NDE1: variants seen among roughly 807,000 people sequenced by gnomAD.
NDE1 encodes nudE neurodevelopment protein 1, also known as nuclear distribution protein nudE homolog 1.
Under a neutral mutation model 43.4 loss-of-function variants are expected in NDE1, and 28 were observed. The observed-to-expected ratio is 0.65, with a 90% CI of 0.48 to 0.89. The LOEUF is 0.89. Ranked by LOEUF, NDE1 falls within the 40% of genes least tolerant of loss-of-function variation. The pLI is 0.00. For missense variants in NDE1, 441 were observed against 434.1 expected (o/e 1.02, Z -0.14); for synonymous variants, 184 against 172.0 (o/e 1.07, Z -0.55).
At chr16:15,714,556 G>A (rs1167950746) in intron 8 of NDE1, 2 of 424,422 alleles carry the variant, frequency 4.7e-6, no homozygotes, top group Non-Finnish European at 8.7e-6. Flanking sequence ...GTGGCGGGGG[G>A]TGGTGTTGCA....
intron 2 of NDE1, among the ~76,000 whole-genome samples, chr16:15,666,938 A>G (rs1596564126): frequency 6.6e-6 from 1 of 152,254 alleles, no homozygotes; most frequent in East Asian, 1.9e-4. Flanking sequence ...TTCAGGCTTG[A>G]TATTTTTAAA....
At chr16:15,696,046 G>C (rs959346242) in intron 7 of NDE1, 5 of 103,986 alleles carry the variant, frequency 4.8e-5, no homozygotes, top group Non-Finnish European at 9.3e-5. Context: ...AATTAAAAAA[G>C]AATTTTTTTT....
chr16:15,656,723 C>G (rs908221280), intron 1 of NDE1, among the ~76,000 whole-genome samples: 5 of 151,816 alleles, frequency 3.3e-5, no homozygotes, highest in African/African-American at 1.2e-4. Flanking sequence ...GTATTTTTAG[C>G]AGAGATGGGG....
intron 5 of NDE1, among the ~76,000 whole-genome samples, chr16:15,690,349 T>C (rs1263402947): frequency 3.7e-5 from 4 of 108,876 alleles, no homozygotes; most frequent in Middle Eastern, 4.1e-3. Flanking sequence ...TTTTTTTTTT[T>C]TTTCTTTTTT....
intron 1 of NDE1, among the ~76,000 whole-genome samples, chr16:15,663,398 C>T (rs1012010490): frequency 3.3e-5 from 5 of 151,678 alleles, no homozygotes; most frequent in African/African-American, 1.2e-4. Context: ...CGCCACCACG[C>T]CCAGCTAATT....
chr16:15,686,438 G>A, intron 4 of NDE1: 5 of 985,428 alleles, frequency 5.1e-6, no homozygotes, highest in Non-Finnish European at 6.0e-6. Context: ...ACAAGAAGGG[G>A]TTGTGAGCAG....
In NDE1 at chr16:15,725,647, G is replaced by A; in HGVS notation, c.*1396G>A. 1 of 400,078 alleles carries A rather than the reference G, an allele frequency of 2.5e-6. No homozygotes were observed. Among genetic ancestry groups the A allele is most frequent in the African/African-American group, 2.1e-5 (1 of 48,740 alleles). 24.8% of individuals were successfully genotyped at this position (400,078 alleles called of 1,614,324 possible). On this transcript the variant is annotated 3_prime_UTR_variant, in exon 9 of 9. Transcript: ENST00000396354. ...CACTGCTTATATGAGGGCGGCAAAAGCCCTGCTCTCAACTGCATGTGAGAA... is the reference window on the plus strand; with the variant it reads ...CACTGCTTATATGAGGGCGGCAAAAACCCTGCTCTCAACTGCATGTGAGAA...
chr16:15,645,175 C>T (rs928521301), intron 1 of NDE1, among the ~76,000 whole-genome samples: 1 of 152,154 alleles, frequency 6.6e-6, no homozygotes, highest in Non-Finnish European at 1.5e-5. Flanking sequence ...CCGCCTCGGC[C>T]TCTTTAGGAT....
At position 15,667,300 on chromosome 16, in the gene NDE1, A is replaced by C; in HGVS notation, c.98A>C (p.Gln33Pro). Residue 33 changes from glutamine (Q) to proline (P), a missense_variant, in exon 3 of 9, where the codon CAA becomes CCA. Physicochemically the swap from Gln to Pro is moderately conservative, Grantham distance 76. Coordinates refer to ENST00000396354, the MANE Select transcript of NDE1 (RefSeq NM_017668.3). Reference protein sequence around the residue: ...MTYKQRAENTQEELREFQEGS... With the variant: ...MTYKQRAENTPEELREFQEGS... ...TTTTGCTGTAGGGCAGAAAATACGC[A>C]AGAGGAACTCCGAGAATTCCAGGAG... The C allele has an allele frequency of 6.2e-7, 1 of 1,614,168 alleles. No homozygotes were observed. Among genetic ancestry groups the C allele is most frequent in the Non-Finnish European group, 8.5e-7 (1 of 1,180,022 alleles).
chr16:15,659,733 G>A (rs147281257), intron 1 of NDE1, among the ~76,000 whole-genome samples: 17 of 148,170 alleles, frequency 1.1e-4, no homozygotes, highest in Non-Finnish European at 1.9e-4. Context: ...CACTGCGCCC[G>A]GCCTTGGACA....
At chr16:15,690,381 T>TTTTTTTTTTTTTTTTTTTTTTGA in intron 5 of NDE1, among the ~76,000 whole-genome samples, 1 of 131,336 alleles carries the variant, frequency 7.6e-6, no homozygotes, top group Non-Finnish European at 1.6e-5. Context: ...TTTTTTTTTT[T>TTTTTTTTTTTTTTTTTTTTTTGA]GAGCCAGAGG....
chr16:15,718,180 C>T (rs2040267123), intron 8 of NDE1: 5 of 1,422,404 alleles, frequency 3.5e-6, no homozygotes, highest in African/African-American at 2.8e-5. Flanking sequence ...TCTCTACTCT[C>T]AGGCCCCACC....
rs533396284 is a variant in NDE1 at position 15,718,183 on chromosome 16, G to A, written c.948-6008G>A. ...AAGGGCCCTGGATCTCTACTCTCAG[G>A]CCCCACCACCCTCTTGTCCCTCAAT... On this transcript the variant is annotated intron_variant, in intron 8 of 8. Transcript: ENST00000396354. 21 of 1,443,280 alleles carry A rather than the reference G, an allele frequency of 1.5e-5. No homozygotes were observed. The African/African-American group carries it at 2.2e-4, about 15-fold the overall frequency. The allele number at this position is 1,443,280 out of a possible 1,614,324, so 89.4% of individuals were successfully genotyped here.
chr16:15,704,787 G>T (rs1178718858), intron 8 of NDE1, among the ~76,000 whole-genome samples: 1 of 152,208 alleles, frequency 6.6e-6, no homozygotes, highest in South Asian at 2.1e-4. Context: ...CGCACATGGC[G>T]TAAAACAGGT....
At chr16:15,706,757 A>G (rs945266453) in intron 8 of NDE1, among the ~76,000 whole-genome samples, 1 of 152,102 alleles carries the variant, frequency 6.6e-6, no homozygotes, top group African/African-American at 2.4e-5. Context: ...CCTAACCTCC[A>G]CATCAGTGCT....
chr16:15,688,268 C>G (rs932095893), intron 5 of NDE1, among the ~76,000 whole-genome samples: 3 of 152,120 alleles, frequency 2.0e-5, no homozygotes, highest in Non-Finnish European at 1.5e-5. Flanking sequence ...ATATATTTGG[C>G]TAAAACTTTG....
chr16:15,699,123 T>C (rs2039134396), intron 8 of NDE1, among the ~76,000 whole-genome samples: 1 of 152,040 alleles, frequency 6.6e-6, no homozygotes, highest in Admixed American at 6.6e-5. Flanking sequence ...GGCTTTGAGT[T>C]TGAGAATACA....
rs72772016 is a variant in NDE1 at position 15,714,727 on chromosome 16, C to G, written c.948-9464C>G. On this transcript the variant is annotated intron_variant, in intron 8 of 8. Coordinates refer to ENST00000396354, the MANE Select transcript of NDE1 (RefSeq NM_017668.3). The stretch of plus-strand genomic sequence containing the variant: ...AGCTGCTACCAGGCAAGGCAGGGCC[C>G]GGGTCTGATCTCAGTGCCTGGCCCA... The G allele has an allele frequency of 0.017, 12,953 of 764,946 alleles. 150 individuals carry two copies. Among genetic ancestry groups the G allele is most frequent in the Non-Finnish European group, 0.023 (10,560 of 460,942 alleles). 47.4% of individuals were successfully genotyped at this position (764,946 alleles called of 1,614,324 possible).
chr16:15,694,139 A>G lies in NDE1; in HGVS notation c.704-26A>G, dbSNP rs771403640. ...AGACATGACTATAGGTTGGTGAGTTACATGCTCTTCCCTTTGCACACCCAG... is the reference window on the plus strand; with the variant it reads ...AGACATGACTATAGGTTGGTGAGTTGCATGCTCTTCCCTTTGCACACCCAG... On this transcript the variant is annotated intron_variant, in intron 6 of 8. Coordinates refer to ENST00000396354, the MANE Select transcript of NDE1 (RefSeq NM_017668.3). The G allele has an allele frequency of 3.1e-6, 5 of 1,611,324 alleles. No individual in the cohort carries two copies. The Admixed American group carries it at 8.3e-5, about 27-fold the overall frequency.
Sources: gnomAD v4.1 joint callset for allele counts (sites outside exome capture counted in the v4.1 genomes callset) on GRCh38, gnomAD v4.1.1 for gene constraint, MANE v1.5 for transcripts, NCBI Gene and HGNC (gene_info 2026-07-23, HGNC 2026-07-21) for gene names.